The following FAM133B variants were observed in gnomAD, a reference collection of about 807,000 sequenced individuals.
The protein encoded by FAM133B is family with sequence similarity 133 member B, also known as protein FAM133B.
Under a neutral mutation model 46.4 loss-of-function variants are expected in FAM133B, and 25 were observed. The observed-to-expected ratio is 0.54, with a 90% CI of 0.39 to 0.75. FAM133B has a LOEUF of 0.75. Among genes scored for constraint, FAM133B ranks in the 30% least tolerant of loss-of-function variants. The pLI is 0.00. For synonymous variants in FAM133B, 75 were observed against 86.0 expected (o/e 0.87, Z 0.71); for missense variants, 205 against 277.6 (o/e 0.74, Z 1.86).
At chr7:92,562,798 T>C (rs913766316) in intron 10 of FAM133B, among the ~76,000 whole-genome samples, 11 of 152,208 alleles carry the variant, frequency 7.2e-5, no homozygotes, top group Admixed American at 4.6e-4. Context: ...TTTAAGTAAA[T>C]AGGTACACAG....
chr7:92,569,654 T>C (rs1794470971), intron 9 of FAM133B, 169 bp downstream of exon 9: 1 of 375,030 alleles, frequency 2.7e-6, no homozygotes. Flanking sequence ...ATAATTATCT[T>C]CTGGAAAAAA....
chr7:92,565,303 CCACGCCCGGCTA>C (rs1374588259), intron 10 of FAM133B, among the ~76,000 whole-genome samples: 1 of 150,478 alleles, frequency 6.6e-6, no homozygotes. Context: ...GCGCCCGCCA[CCACGCCCGGCTA>C]ATTTTTGTAT....
chr7:92,579,461 G>T, intron 2 of FAM133B, 66 bp from the exon 3 acceptor site: 1 of 1,146,436 alleles, frequency 8.7e-7, no homozygotes, highest in South Asian at 1.5e-5. Context: ...TTACAAATAA[G>T]ACAACAAAAT....
rs751729358 is a variant in FAM133B, at chr7:92,590,334, G to C, written c.-43C>G. The C allele has an allele frequency of 1.5e-4, 246 of 1,613,100 alleles. No homozygotes were observed. In the East Asian group the frequency reaches 3.8e-3, roughly 25 times the overall value. On this transcript the variant is annotated 5_prime_UTR_variant, in exon 1 of 11. Coordinates refer to ENST00000445716, the MANE Select transcript of FAM133B (RefSeq NM_152789.4). Reference sequence around the variant, plus strand: ...ACAGTAGCACGCCGAGGGAAACCGGGCCGGAGAGACTGCCGAAGAGGGCCT... The same window carrying C: ...ACAGTAGCACGCCGAGGGAAACCGGCCCGGAGAGACTGCCGAAGAGGGCCT...
At chr7:92,563,824 C>A (rs1000503030) in intron 10 of FAM133B, among the ~76,000 whole-genome samples, 3 of 152,120 alleles carry the variant, frequency 2.0e-5, no homozygotes, top group Non-Finnish European at 2.9e-5. Flanking sequence ...CTCCAATGTC[C>A]GCATTCAAAG....
intron 8 of FAM133B, among the ~76,000 whole-genome samples, chr7:92,573,464 CT>C (rs113673654): frequency 0.2 from 28,817 of 144,164 alleles, 2,952 homozygotes; most frequent in East Asian, 0.35. Context: ...CTTTTTTCTT[CT>C]TTTTTTTTTT....
At chr7:92,586,745 T>C (rs10488519) in intron 1 of FAM133B, among the ~76,000 whole-genome samples, 3,533 of 152,302 alleles carry the variant, frequency 0.023, 49 homozygotes, top group Middle Eastern at 0.075. Flanking sequence ...AAAGACACAA[T>C]GTGCAGAATT....
chr7:92,569,367 G>A (rs1794461400), intron 9 of FAM133B, among the ~76,000 whole-genome samples: 1 of 148,402 alleles, frequency 6.7e-6, no homozygotes, highest in African/African-American at 2.4e-5. Context: ...GAAGTAATAT[G>A]ATATGTTTCC....
rs1476642719 is a variant in FAM133B, at chr7:92,581,533, TC to T, written c.94del (p.Asp32IlefsTer3). ...PIQSSGPTIQ[D>X]YLNRPRPTWE... is the part of the protein sequence containing the mutation. The stretch of plus-strand genomic sequence containing the variant: ...GGTAGGCCTTGGTCGATTCAGATAA[TC>T]CTGTATTGTTGGCCCTGAAGACTGG... On this transcript the variant is annotated frameshift_variant, in exon 2 of 11. Coordinates refer to ENST00000445716, the MANE Select transcript of FAM133B (RefSeq NM_152789.4). LOFTEE classifies it high-confidence loss of function. 6.2e-7 allele frequency: 1 copy of T among 1,613,740 alleles called. No homozygotes were observed. Among genetic ancestry groups the T allele is most frequent in the African/African-American group, 1.3e-5 (1 of 74,944 alleles).
chr7:92,589,308 C>A (rs952171353), intron 1 of FAM133B, among the ~76,000 whole-genome samples: 49 of 152,220 alleles, frequency 3.2e-4, no homozygotes, highest in African/African-American at 4.8e-5. Context: ...CCCGCCCCAG[C>A]GGTCTAGAAT....
intron 2 of FAM133B, among the ~76,000 whole-genome samples, chr7:92,581,086 T>C (rs1794855355): frequency 6.6e-6 from 1 of 152,232 alleles, no homozygotes; most frequent in Non-Finnish European, 1.5e-5. Context: ...TGATGCTTTA[T>C]TTACAAAAAT....
chr7:92,577,707 G>A lies in FAM133B; in HGVS notation c.320C>T (p.Ser107Phe). The A allele has an allele frequency of 6.3e-7, 1 of 1,580,164 alleles. No individual in the cohort carries two copies. The highest frequency in any genetic ancestry group is 1.2e-5 in the South Asian group (1 of 85,660). The change falls in exon 6 of 11, where the codon TCT (serine) becomes TTT (phenylalanine). Residue 107 changes from serine (S) to phenylalanine (F), a missense_variant. Coordinates refer to ENST00000445716, the MANE Select transcript of FAM133B (RefSeq NM_152789.4). Reference protein sequence around the residue: ...EKKKSGRYSSSSSSSSDSSSS... With the variant: ...EKKKSGRYSSFSSSSSDSSSS... ...GGAAGAATCAGAGCTTGATGAAGAA[G>A]AAGATGAATACTTGACCAAGCACAA...
At position 92,562,212 on chromosome 7, in the gene FAM133B, T is replaced by C. The variant is rs1323904200; in HGVS notation, c.*70A>G. 2.3e-5 allele frequency: 34 copies of C among 1,449,626 alleles called. No homozygotes were observed. Among genetic ancestry groups the C allele is most frequent in the Non-Finnish European group, 3.0e-5 (33 of 1,093,772 alleles). 89.8% of individuals were successfully genotyped at this position (1,449,626 alleles called of 1,614,324 possible). Reference sequence around the variant, plus strand: ...TTCATGCATTTTAGTAAATATGTTGTAGTTTTCACAGTTGAAATTTCCTCA... The same window carrying C: ...TTCATGCATTTTAGTAAATATGTTGCAGTTTTCACAGTTGAAATTTCCTCA... On this transcript the variant is annotated 3_prime_UTR_variant, in exon 11 of 11. Transcript: ENST00000445716.
chr7:92,582,562 G>A (rs1222410192), intron 1 of FAM133B, among the ~76,000 whole-genome samples: 1 of 152,108 alleles, frequency 6.6e-6, no homozygotes, highest in Non-Finnish European at 1.5e-5. Flanking sequence ...TTCACAGAAT[G>A]AGAGAAAATA....
chr7:92,577,477 T>C, intron 6 of FAM133B, 178 bp downstream of exon 6: 1 of 479,672 alleles, frequency 2.1e-6, no homozygotes, highest in Non-Finnish European at 3.6e-6. Flanking sequence ...AAAAAATATA[T>C]TATATACCAA....
chr7:92,575,044 G>A (rs934450123), intron 8 of FAM133B, among the ~76,000 whole-genome samples: 3 of 152,016 alleles, frequency 2.0e-5, no homozygotes, highest in African/African-American at 7.3e-5. Flanking sequence ...AGAAATTAAG[G>A]TAGGCATAAA....
chr7:92,585,416 G>A (rs1316506375), intron 1 of FAM133B: 1 of 954,500 alleles, frequency 1.0e-6, no homozygotes, highest in African/African-American at 1.8e-5. Flanking sequence ...AAATATTTCA[G>A]GTTAGAATTG....
intron 9 of FAM133B, among the ~76,000 whole-genome samples, chr7:92,566,262 A>G (rs1309527391): frequency 3.9e-5 from 6 of 152,210 alleles, no homozygotes; most frequent in African/African-American, 1.2e-4. Context: ...ATTAAGACGT[A>G]AAATCTCTAG....
rs116461566 is a variant in FAM133B at position 92,578,677 on chromosome 7, G to A, written c.202-284C>T. ...GGTCTCTTTTCAACAAAGATGGCTAGATTCTCCGTCTAGGCTGTAAAAGTT... is the reference window on the plus strand; with the variant it reads ...GGTCTCTTTTCAACAAAGATGGCTAAATTCTCCGTCTAGGCTGTAAAAGTT... On this transcript the variant is annotated intron_variant, in intron 3 of 10. Coordinates refer to ENST00000445716, the MANE Select transcript of FAM133B (RefSeq NM_152789.4). Among the ~76,000 whole-genome samples, 758 of 152,298 alleles carry A rather than the reference G, an allele frequency of 5.0e-3. 10 individuals are homozygous for A. Among genetic ancestry groups the A allele is most frequent in the African/African-American group, 0.017 (724 of 41,562 alleles).
Sources: allele counts gnomAD v4.1 joint callset (sites outside exome capture counted in the v4.1 genomes callset), GRCh38; gene constraint gnomAD v4.1.1; transcripts MANE v1.5; gene names NCBI Gene and HGNC (gene_info 2026-07-23, HGNC 2026-07-21).